Variants in SNCAIP observed in about 807,000 individuals in gnomAD.
SNCAIP encodes synuclein alpha interacting protein, also known as synphilin-1.
SNCAIP carries 43 observed loss-of-function variants against 86.7 expected under a neutral mutation model. That is an observed-to-expected ratio of 0.50 (90% CI 0.39 to 0.64). SNCAIP has a LOEUF of 0.64. Ranked by LOEUF, SNCAIP falls within the 30% of genes least tolerant of loss-of-function variation. The pLI is 0.00. For synonymous variants in SNCAIP, 417 were observed against 427.2 expected, an observed-to-expected ratio of 0.98 and a Z score of 0.29; for missense variants, 981 against 1,103.1, an observed-to-expected ratio of 0.89 and a Z score of 1.57.
chr5:122,376,726 T>A (rs2152804836), intron 1 of SNCAIP, among the ~76,000 whole-genome samples: 1 of 152,284 alleles, frequency 6.6e-6, no homozygotes, highest in East Asian at 1.9e-4. Flanking sequence ...TAACCTCCAA[T>A]TTCACTCAAG....
At chr5:122,327,929 AT>A (rs1235463698) in intron 1 of SNCAIP, among the ~76,000 whole-genome samples, 1 of 152,128 alleles carries the variant, frequency 6.6e-6, no homozygotes, top group Non-Finnish European at 1.5e-5. Context: ...AGATGGTTAG[AT>A]TTTCAAAGGC....
At chr5:122,441,756 AAG>A (rs1040987773) in intron 7 of SNCAIP, among the ~76,000 whole-genome samples, 1 of 152,162 alleles carries the variant, frequency 6.6e-6, no homozygotes, top group Non-Finnish European at 1.5e-5. Context: ...ACAGAGCAAA[AAG>A]AGGGGATAGC....
chr5:122,457,614 A>ACT (rs896124244), intron 10 of SNCAIP, among the ~76,000 whole-genome samples: 6 of 145,042 alleles, frequency 4.1e-5, no homozygotes, highest in Non-Finnish European at 6.1e-5. Flanking sequence ...TCTCTCTCTC[A>ACT]CTCTCTCTCT....
chr5:122,432,196 G>T lies in SNCAIP; in HGVS notation c.1296+114G>T. Reference sequence around the variant, plus strand: ...AGAAATCATCAAAAATGTATCCAAAGGTATATAACCAATGATATTTGTTGT... The same window carrying T: ...AGAAATCATCAAAAATGTATCCAAATGTATATAACCAATGATATTTGTTGT... On this transcript the variant is annotated intron_variant, in intron 6 of 10. Transcript: ENST00000261368. 3 of 683,898 alleles carry T rather than the reference G, an allele frequency of 4.4e-6. No individual in the cohort carries two copies. In the South Asian group the frequency reaches 4.9e-5, roughly 11 times the overall value. The allele number at this position is 683,898 out of a possible 1,614,324, so 42.4% of individuals were successfully genotyped here. A position where few individuals can be genotyped will look rare whatever the true frequency, so the allele number is the denominator to read the frequency against.
rs1221236719 is a variant in SNCAIP at position 122,358,203 on chromosome 5, G to GTGTA, written c.-46-32885_-46-32884insGTAT. On this transcript the variant is annotated intron_variant, in intron 1 of 10. Coordinates refer to ENST00000261368, the MANE Select transcript of SNCAIP (RefSeq NM_005460.4). ...TGTGTGTGTGTGTGTGTGTGTGTGT[G>GTGTA]TATATATATATATATAAAATACTTT... Among the ~76,000 whole-genome samples, 1,247 of 130,268 alleles carry GTGTA rather than the reference G, an allele frequency of 9.6e-3. 9 individuals are homozygous for GTGTA. Among genetic ancestry groups the GTGTA allele is most frequent in the East Asian group, 0.034 (137 of 4,066 alleles). 85.5% of individuals were successfully genotyped at this position (130,268 alleles called of 152,430 possible). A position where few individuals can be genotyped will look rare whatever the true frequency, so the allele number is the denominator to read the frequency against.
At chr5:122,383,246 C>T (rs573678543) in intron 1 of SNCAIP, among the ~76,000 whole-genome samples, 7 of 152,338 alleles carry the variant, frequency 4.6e-5, no homozygotes, top group Admixed American at 6.5e-5. Context: ...TCTCGTGATG[C>T]GCCGTTTTTT....
At chr5:122,452,878 T>C in intron 10 of SNCAIP, 1 of 1,209,844 alleles carries the variant, frequency 8.3e-7, no homozygotes, top group African/African-American at 1.5e-5. Context: ...GTGCATGTGC[T>C]GAGCTTGTTG....
At chr5:122,444,252 G>C (rs1447978235) in intron 7 of SNCAIP, 1 of 498,506 alleles carries the variant, frequency 2.0e-6, no homozygotes, top group African/African-American at 1.9e-5. Context: ...GATTCTCTTG[G>C]AGCCCAACCA....
intron 1 of SNCAIP, among the ~76,000 whole-genome samples, chr5:122,361,255 C>G (rs1360601223): frequency 6.6e-6 from 1 of 150,626 alleles, no homozygotes; most frequent in Non-Finnish European, 1.5e-5. Context: ...TCAGATCATA[C>G]TCTTATGAAG....
At chr5:122,393,624 C>A (rs562484485) in intron 2 of SNCAIP, among the ~76,000 whole-genome samples, 21 of 152,248 alleles carry the variant, frequency 1.4e-4, no homozygotes, top group African/African-American at 3.9e-4. Context: ...TTGCTACTAG[C>A]ATCTAGTGGG....
chr5:122,404,003 C>T, intron 3 of SNCAIP, 138 bp downstream of exon 3: 1 of 705,012 alleles, frequency 1.4e-6, no homozygotes, highest in Admixed American at 2.0e-5. Flanking sequence ...CACCACCCCC[C>T]ACCTCATGCC....
chr5:122,458,334 A>T (rs1162165307), intron 10 of SNCAIP, among the ~76,000 whole-genome samples: 16 of 152,148 alleles, frequency 1.1e-4, no homozygotes, highest in Admixed American at 1.0e-3. Flanking sequence ...AAACCTAAGG[A>T]CAACTCACTT....
intron 5 of SNCAIP, among the ~76,000 whole-genome samples, chr5:122,425,994 A>G (rs551104533): frequency 3.9e-5 from 6 of 152,322 alleles, no homozygotes; most frequent in Non-Finnish European, 8.8e-5. Flanking sequence ...AATTTTTTAG[A>G]GTATCAGTGC....
intron 2 of SNCAIP, 90 bp from the exon 3 acceptor site, chr5:122,403,703 A>C: frequency 1.0e-6 from 1 of 994,080 alleles, no homozygotes; most frequent in Non-Finnish European, 1.6e-6. Context: ...CCCAAGTATC[A>C]CTTATTGTGT....
chr5:122,354,290 A>G (rs1760559436), intron 1 of SNCAIP, among the ~76,000 whole-genome samples: 1 of 152,168 alleles, frequency 6.6e-6, no homozygotes, highest in African/African-American at 2.4e-5. Flanking sequence ...TGCATGTTTC[A>G]TTGTATTCAA....
intron 6 of SNCAIP, 138 bp downstream of exon 6, chr5:122,432,220 G>C: frequency 1.6e-6 from 1 of 640,412 alleles, no homozygotes; most frequent in East Asian, 2.8e-5. Flanking sequence ...GATATTTGTT[G>C]TTATTTTTGT....
At chr5:122,379,935 G>A (rs985855708) in intron 1 of SNCAIP, among the ~76,000 whole-genome samples, 20 of 152,134 alleles carry the variant, frequency 1.3e-4, no homozygotes, top group African/African-American at 2.4e-4. Flanking sequence ...TGCTGGATTC[G>A]GTTTGCCAGT....
intron 1 of SNCAIP, among the ~76,000 whole-genome samples, chr5:122,346,532 C>G (rs1295875633): frequency 1.3e-5 from 2 of 151,800 alleles, no homozygotes; most frequent in Non-Finnish European, 2.9e-5. Flanking sequence ...TTTGCAAAAG[C>G]GAAATAAAAC....
intron 2 of SNCAIP, among the ~76,000 whole-genome samples, chr5:122,394,954 G>T (rs1393724056): frequency 4.6e-5 from 7 of 152,246 alleles, no homozygotes; most frequent in Admixed American, 4.6e-4. Flanking sequence ...CATTCACAAG[G>T]TTACAGGGCC....
Sources: allele counts gnomAD v4.1 joint callset (sites outside exome capture counted in the v4.1 genomes callset), GRCh38; gene constraint gnomAD v4.1.1; transcripts MANE v1.5; gene names NCBI Gene and HGNC (gene_info 2026-07-23, HGNC 2026-07-21).